C6orf118: variants seen among roughly 807,000 people sequenced by gnomAD.
The protein encoded by C6orf118 is uncharacterized protein C6orf118.
In C6orf118, 50 loss-of-function variants were observed where a neutral mutation model predicts 50.2. That is an observed-to-expected ratio of 1.00 (90% CI 0.79 to 1.26). The LOEUF (loss-of-function observed/expected upper bound fraction) is 1.26, where lower values mean the gene tolerates loss of function less well. Ranked by LOEUF, C6orf118 falls within the 50% of genes most tolerant of loss-of-function variation. The pLI is 0.00. For missense variants in C6orf118, 641 were observed against 578.7 expected, an observed-to-expected ratio of 1.11 and a Z score of -1.10; for synonymous variants, 239 against 230.9, an observed-to-expected ratio of 1.03 and a Z score of -0.32.
At chr6:165,297,665 C>T (rs1583018039) in intron 5 of C6orf118, among the ~76,000 whole-genome samples, 1 of 151,990 alleles carries the variant, frequency 6.6e-6, no homozygotes, top group South Asian at 2.1e-4. Context: ...ACAATAGGGG[C>T]ATTCATATAA....
rs377216276 is a variant in C6orf118, at chr6:165,308,357, G to A, written c.25+1205C>T. ...GGAGAGGTGGAAGAAAGGGGGTCAG[G>A]GAAGTTGCAAGGAAAGGAAGCTTCC... is the stretch of plus-strand genomic sequence containing the variant. On this transcript the variant is annotated intron_variant, in intron 1 of 8. Transcript: ENST00000230301. Among the ~76,000 whole-genome samples, 15 of 152,282 alleles carry A rather than the reference G, an allele frequency of 9.9e-5. No individual in the cohort carries two copies. In the South Asian group the frequency reaches 3.1e-3, roughly 32 times the overall value.
intron 7 of C6orf118, among the ~76,000 whole-genome samples, chr6:165,284,299 A>G (rs1045235456): frequency 3.3e-5 from 5 of 152,212 alleles, no homozygotes; most frequent in African/African-American, 9.6e-5. Flanking sequence ...GAATAAAAAA[A>G]GCCTCTGAGA....
chr6:165,303,047 T>C (rs1780619209), intron 1 of C6orf118, among the ~76,000 whole-genome samples: 1 of 152,258 alleles, frequency 6.6e-6, no homozygotes, highest in African/African-American at 2.4e-5. Flanking sequence ...CTTCATTTGC[T>C]GTTTTCTAAC....
At chr6:165,290,984 G>A (rs1252367072) in intron 6 of C6orf118, among the ~76,000 whole-genome samples, 3 of 152,154 alleles carry the variant, frequency 2.0e-5, no homozygotes, top group African/African-American at 7.2e-5. Flanking sequence ...GAGAGAATGA[G>A]AAATACGCAA....
At chr6:165,297,771 C>A (rs1780361993) in intron 5 of C6orf118, among the ~76,000 whole-genome samples, 1 of 152,150 alleles carries the variant, frequency 6.6e-6, no homozygotes, top group South Asian at 2.1e-4. Flanking sequence ...CCCAAACTCC[C>A]CCCATGGACA....
intron 2 of C6orf118, 138 bp from the exon 3 acceptor site, chr6:165,300,624 G>A (rs1271663193): frequency 2.0e-5 from 13 of 659,156 alleles, no homozygotes; most frequent in Non-Finnish European, 3.3e-5. Flanking sequence ...CAGTCTCGGG[G>A]GTTCTGATCC....
intron 5 of C6orf118, among the ~76,000 whole-genome samples, chr6:165,296,811 G>A (rs1356743131): frequency 2.0e-5 from 3 of 152,134 alleles, no homozygotes; most frequent in Non-Finnish European, 4.4e-5. Flanking sequence ...TTGTTCTGTG[G>A]CCTTCTCTGT....
In C6orf118 at chr6:165,300,499, C is replaced by G; in HGVS notation, c.754-13G>C. 4.4e-6 allele frequency: 7 copies of G among 1,606,350 alleles called. No homozygotes were observed. Among genetic ancestry groups the G allele is most frequent in the Non-Finnish European group, 5.9e-6 (7 of 1,177,036 alleles). On this transcript the variant is annotated splice_polypyrimidine_tract_variant and intron_variant, in intron 2 of 8. Transcript: ENST00000230301. Reference sequence around the variant, plus strand: ...TTTTCTGGAGCTCCTGGAGGAAAAACAGAGTCAGCCCATTTCAGGGTGGCT... The same window carrying G: ...TTTTCTGGAGCTCCTGGAGGAAAAAGAGAGTCAGCCCATTTCAGGGTGGCT...
chr6:165,296,258 T>TG (rs1562330097), intron 5 of C6orf118, among the ~76,000 whole-genome samples: 2 of 72,304 alleles, frequency 2.8e-5, no homozygotes, highest in African/African-American at 1.4e-4. Flanking sequence ...TTGTTTTTTT[T>TG]TTTTTTTTTT....
At position 165,281,635 on chromosome 6, in the gene C6orf118, C is replaced by T. The variant is rs1291025707; in HGVS notation, c.1356+5G>A. The stretch of plus-strand genomic sequence containing the variant: ...GATAAACATTGATTCACACAAAAAA[C>T]TTACTTTTATTTTCTTCTTTAAAAT... On this transcript the variant is annotated splice_donor_5th_base_variant and intron_variant, in intron 8 of 8. Transcript: ENST00000230301. The T allele has an allele frequency of 6.7e-7, 1 of 1,493,724 alleles. No individual in the cohort carries two copies. The highest frequency in any genetic ancestry group is 8.9e-7 in the Non-Finnish European group (1 of 1,117,772). The allele number at this position is 1,493,724 out of a possible 1,614,324, so 92.5% of individuals were successfully genotyped here.
intron 8 of C6orf118, 33 bp from the exon 9 acceptor site, chr6:165,280,143 T>G: frequency 7.1e-7 from 1 of 1,417,826 alleles, no homozygotes; most frequent in Non-Finnish European, 9.7e-7. Context: ...TACCATAGGT[T>G]AGAAAAAAAT....
chr6:165,300,350 T>C lies in C6orf118; in HGVS notation c.876+14A>G. ...AGCTTCTCAACTGTTATGCTGAAGATGTATGTTTCTTACCTTAACTTTTTT... is the reference window on the plus strand; with the variant it reads ...AGCTTCTCAACTGTTATGCTGAAGACGTATGTTTCTTACCTTAACTTTTTT... On this transcript the variant is annotated intron_variant, in intron 3 of 8. Coordinates refer to ENST00000230301, the MANE Select transcript of C6orf118 (RefSeq NM_144980.4). 2 of 1,613,780 alleles carry C rather than the reference T, an allele frequency of 1.2e-6. No homozygotes were observed. The highest frequency in any genetic ancestry group is 1.7e-6 in the Non-Finnish European group (2 of 1,179,830).
chr6:165,300,224 G>T, intron 3 of C6orf118, 140 bp downstream of exon 3: 1 of 942,468 alleles, frequency 1.1e-6, no homozygotes, highest in Non-Finnish European at 1.5e-6. Context: ...ATGACCTCGA[G>T]TCTCTGGGAG....
intron 4 of C6orf118, 81 bp from the exon 5 acceptor site, chr6:165,298,182 GT>G: frequency 6.9e-7 from 1 of 1,440,826 alleles, no homozygotes; most frequent in Non-Finnish European, 9.1e-7. Flanking sequence ...TCATTAATGC[GT>G]TTTCAAGGTG....
intron 4 of C6orf118, among the ~76,000 whole-genome samples, chr6:165,298,497 T>C (rs1780396457): frequency 6.6e-6 from 1 of 152,128 alleles, no homozygotes; most frequent in Admixed American, 6.6e-5. Flanking sequence ...TGTAAAGCAG[T>C]GCTGTGCTCA....
At chr6:165,309,428 G>T in intron 1 of C6orf118, 134 bp downstream of exon 1, 1 of 1,041,682 alleles carries the variant, frequency 9.6e-7, no homozygotes, top group Non-Finnish European at 1.4e-6. Flanking sequence ...CTCAGCCCTA[G>T]TGACCCTGGA....
intron 1 of C6orf118, among the ~76,000 whole-genome samples, chr6:165,307,547 G>T (rs2128165970): frequency 7.5e-6 from 1 of 132,608 alleles, no homozygotes; most frequent in Non-Finnish European, 1.6e-5. Context: ...GACAGAGTGA[G>T]ACTGCCTCAA....
At chr6:165,293,038 A>G (rs548210986) in intron 6 of C6orf118, among the ~76,000 whole-genome samples, 2 of 152,376 alleles carry the variant, frequency 1.3e-5, no homozygotes, top group African/African-American at 4.8e-5. Context: ...GTTAATGAGC[A>G]AGATACTTAA....
intron 6 of C6orf118, among the ~76,000 whole-genome samples, chr6:165,291,227 A>C (rs1031290207): frequency 2.0e-5 from 3 of 152,184 alleles, no homozygotes; most frequent in Non-Finnish European, 4.4e-5. Context: ...ACAACAACAA[A>C]AAACGATTTA....
Sources: allele counts gnomAD v4.1 joint callset (sites outside exome capture counted in the v4.1 genomes callset), GRCh38; gene constraint gnomAD v4.1.1; transcripts MANE v1.5; gene names NCBI Gene and HGNC (gene_info 2026-07-23, HGNC 2026-07-21).